Variants in ARHGEF10 observed in about 807,000 individuals in gnomAD.
The protein encoded by ARHGEF10 is Rho guanine nucleotide exchange factor 10.
Under a neutral mutation model 147.4 loss-of-function variants are expected in ARHGEF10, and 140 were observed. The ratio of observed to expected loss-of-function variants is 0.95; its 90% CI spans 0.83 to 1.09. ARHGEF10 has a LOEUF of 1.09. ARHGEF10 is among the 50% of genes least tolerant of loss of function. The pLI is 0.00. For synonymous variants in ARHGEF10, 902 were observed against 695.8 expected (o/e 1.30, Z -4.67); for missense variants, 2,222 against 1,752.7 (o/e 1.27, Z -4.78).
chr8:1,915,368 C>T (rs1076951), intron 18 of ARHGEF10, among the ~76,000 whole-genome samples: 71,035 of 152,112 alleles, frequency 0.47, 16,753 homozygotes, highest in Middle Eastern at 0.52. Flanking sequence ...TTCTACTTTT[C>T]TACATTTAAA....
chr8:1,844,706 C>T (rs905920515), intron 2 of ARHGEF10, among the ~76,000 whole-genome samples: 2 of 152,080 alleles, frequency 1.3e-5, no homozygotes, highest in African/African-American at 2.4e-5. Flanking sequence ...CCATGGTGCT[C>T]GTTGTCGCCA....
Position 1,876,387 on chromosome 8 carries a change from G to C in ARHGEF10, c.680-184G>C, listed in dbSNP as rs56034634. ...TTCCCCAGCCTCCCCGGCCCTGCCC[G>C]GGTGGTGGAGGCGCTGCACGGTGCC... is the stretch of plus-strand genomic sequence containing the variant. On this transcript the variant is annotated intron_variant, in intron 7 of 28. Coordinates refer to ENST00000349830, the MANE Select transcript of ARHGEF10 (RefSeq NM_014629.4). The C allele has an allele frequency of 0.19, 122,963 of 651,362 alleles. 12,213 individuals are homozygous for C. The highest frequency in any genetic ancestry group is 0.28 in the African/African-American group (15,454 of 55,324). 40.3% of individuals were successfully genotyped at this position (651,362 alleles called of 1,614,324 possible).
At chr8:1,840,893 G>A (rs952934452) in intron 1 of ARHGEF10, among the ~76,000 whole-genome samples, 5 of 152,190 alleles carry the variant, frequency 3.3e-5, no homozygotes, top group Non-Finnish European at 5.9e-5. Flanking sequence ...GGCCCCTACC[G>A]CCTCACGGGT....
chr8:1,852,704 A>T (rs1395676053), intron 2 of ARHGEF10, among the ~76,000 whole-genome samples: 1 of 152,228 alleles, frequency 6.6e-6, no homozygotes, highest in East Asian at 1.9e-4. Context: ...AAAGTTTTCT[A>T]TTTCATAACT....
intron 26 of ARHGEF10, among the ~76,000 whole-genome samples, chr8:1,943,215 T>G (rs1259551297): frequency 6.6e-6 from 1 of 152,172 alleles, no homozygotes; most frequent in African/African-American, 2.4e-5. Flanking sequence ...AGGCTTTTCT[T>G]CCTTTTCTTT....
chr8:1,890,141 AGGGTTTGTGAGGAGACACTGAG>A (rs1809348180), intron 11 of ARHGEF10, among the ~76,000 whole-genome samples: 1 of 21,238 alleles, frequency 4.7e-5, no homozygotes, highest in South Asian at 2.3e-3. Context: ...GAGTGGGGTG[AGGGTTTGTGAGGAGACACTGAG>A]TGGGGTGAGG....
Position 1,840,599 on chromosome 8 carries a change from G to C in ARHGEF10, c.-47-2754G>C, listed in dbSNP as rs1803956331. ...CTGGTGTGGAAGCTGTCCGATATGG[G>C]GACTGTCTGATGTGGAAGCTGTCTG... On this transcript the variant is annotated intron_variant, in intron 1 of 28. Coordinates refer to ENST00000349830, the MANE Select transcript of ARHGEF10 (RefSeq NM_014629.4). Among the ~76,000 whole-genome samples, 2 of 150,854 alleles carry C rather than the reference G, an allele frequency of 1.3e-5. 1 individual carries two copies. Among genetic ancestry groups the C allele is most frequent in the Admixed American group, 1.3e-4 (2 of 15,158 alleles).
chr8:1,832,979 G>C lies in ARHGEF10; in HGVS notation c.-48+8866G>C, dbSNP rs1418796643. On this transcript the variant is annotated intron_variant, in intron 1 of 28. Transcript: ENST00000349830. ...GCAGAGGCAGATACAGAGGCAGAGA[G>C]AGACAGAGACAGAGGCAGAGACAGG... is the stretch of plus-strand genomic sequence containing the variant. Among the ~76,000 whole-genome samples the C allele has an allele frequency of 7.0e-5, 6 of 85,688 alleles. 1 individual carries two copies. Among genetic ancestry groups the C allele is most frequent in the South Asian group, 9.9e-4 (2 of 2,020 alleles). 56.2% of individuals were successfully genotyped at this position (85,688 alleles called of 152,430 possible).
At chr8:1,843,758 A>T (rs1420252632) in intron 2 of ARHGEF10, among the ~76,000 whole-genome samples, 2 of 152,166 alleles carry the variant, frequency 1.3e-5, no homozygotes, top group Non-Finnish European at 2.9e-5. Context: ...TTGTTACAGA[A>T]TGGCGCCTTC....
intron 17 of ARHGEF10, among the ~76,000 whole-genome samples, chr8:1,908,154 G>C (rs749772721): frequency 3.9e-5 from 6 of 151,926 alleles, no homozygotes; most frequent in Non-Finnish European, 8.8e-5. Flanking sequence ...GGGTGCAGAC[G>C]GGCTCCCAGC....
At chr8:1,905,168 G>A (rs1427438294) in intron 16 of ARHGEF10, among the ~76,000 whole-genome samples, 4 of 152,100 alleles carry the variant, frequency 2.6e-5, no homozygotes, top group Admixed American at 1.3e-4. Context: ...CTTCTACATC[G>A]CATACCATTG....
chr8:1,826,397 TG>T (rs1802772195), intron 1 of ARHGEF10, among the ~76,000 whole-genome samples: 3 of 130,780 alleles, frequency 2.3e-5, no homozygotes, highest in African/African-American at 8.9e-5. Flanking sequence ...TGTGTGCGTG[TG>T]TTTGTGTGTG....
At chr8:1,885,378 A>G (rs752368858) in intron 10 of ARHGEF10, among the ~76,000 whole-genome samples, 50 of 152,212 alleles carry the variant, frequency 3.3e-4, no homozygotes, top group Non-Finnish European at 7.3e-5. Flanking sequence ...TTAAACTTTA[A>G]ATACTGAAAA....
At chr8:1,881,175 G>A (rs1262539384) in intron 9 of ARHGEF10, among the ~76,000 whole-genome samples, 2 of 152,166 alleles carry the variant, frequency 1.3e-5, no homozygotes, top group Non-Finnish European at 2.9e-5. Context: ...AGCCAGGGCT[G>A]GGCCCAGCAC....
chr8:1,883,204 C>G (rs149507161), intron 10 of ARHGEF10, among the ~76,000 whole-genome samples: 1 of 152,076 alleles, frequency 6.6e-6, no homozygotes, highest in Non-Finnish European at 1.5e-5. Context: ...AAACATCTAA[C>G]GAAGGCGCAG....
intron 11 of ARHGEF10, among the ~76,000 whole-genome samples, chr8:1,888,663 G>A (rs1264304073): frequency 1.5e-5 from 2 of 134,592 alleles, no homozygotes; most frequent in African/African-American, 3.2e-5. Flanking sequence ...GAAACACTGA[G>A]TTGGGTGAGG....
chr8:1,845,146 A>G (rs1804456513), intron 2 of ARHGEF10, among the ~76,000 whole-genome samples: 1 of 152,174 alleles, frequency 6.6e-6, no homozygotes, highest in African/African-American at 2.4e-5. Context: ...TCTAAAAAAT[A>G]AAGGTGGAAC....
intron 18 of ARHGEF10, among the ~76,000 whole-genome samples, chr8:1,916,221 C>T (rs1189430705): frequency 2.0e-5 from 3 of 152,184 alleles, no homozygotes; most frequent in East Asian, 1.9e-4. Flanking sequence ...AGACGGCCAG[C>T]CACGGAAAGG....
At chr8:1,826,142 A>C in intron 1 of ARHGEF10, 1 of 1,592,786 alleles carries the variant, frequency 6.3e-7, no homozygotes, top group Non-Finnish European at 8.5e-7. Flanking sequence ...AGCAGTAAGA[A>C]AAGTCATTTG....
Sources: allele counts gnomAD v4.1 joint callset (sites outside exome capture counted in the v4.1 genomes callset), GRCh38; gene constraint gnomAD v4.1.1; transcripts MANE v1.5; gene names NCBI Gene and HGNC (gene_info 2026-07-23, HGNC 2026-07-21).